SYCE1: variants seen among roughly 807,000 people sequenced by gnomAD.
SYCE1 encodes the protein synaptonemal complex central element protein 1.
Under a neutral mutation model 55.1 loss-of-function variants are expected in SYCE1, and 37 were observed. The observed-to-expected ratio is 0.67, with a 90% CI of 0.52 to 0.88. The LOEUF (loss-of-function observed/expected upper bound fraction) is 0.88. Among genes scored for constraint, SYCE1 ranks in the 40% least tolerant of loss-of-function variants. The pLI is 0.00. For synonymous variants in SYCE1, 163 were observed against 159.4 expected (o/e 1.02, Z -0.17); for missense variants, 399 against 416.4 (o/e 0.96, Z 0.36).
rs1414046160 is a variant in SYCE1, at chr10:133,555,682, T to C, written c.745A>G (p.Lys249Glu). 1 of 1,604,988 alleles carries C rather than the reference T, an allele frequency of 6.2e-7. No homozygotes were observed. The highest frequency in any genetic ancestry group is 1.7e-5 in the Admixed American group (1 of 60,022). ...TVQLFQEEHR[K>E]AEELLAAAAQ... ...GCAGCTGCTAGGAGCTCCTCAGCCT[T>C]CCTGTGCTCTTCCTGAAACAGCTGC... Residue 249 changes from lysine to glutamate, a missense_variant, in exon 11 of 13, where the codon AAG becomes GAG. Transcript: ENST00000343131.
upstream of SYCE1, among the ~76,000 whole-genome samples, chr10:133,566,778 G>C (rs1386547534): frequency 6.6e-6 from 1 of 151,226 alleles, no homozygotes; most frequent in Non-Finnish European, 1.5e-5. Flanking sequence ...TTAGGGTAAG[G>C]GGTTAGAGTT....
At chr10:133,558,616 G>A in intron 4 of SYCE1, 1 of 543,602 alleles carries the variant, frequency 1.8e-6, no homozygotes, top group Non-Finnish European at 3.3e-6. Context: ...ACTTAGAGCT[G>A]ATGATGTGAG....
Position 133,565,539 on chromosome 10 carries a change from G to A in SYCE1, c.-10C>T, listed in dbSNP as rs908746635. On this transcript the variant is annotated 5_prime_UTR_variant, in exon 1 of 13. Coordinates refer to ENST00000343131, the MANE Select transcript of SYCE1 (RefSeq NM_001143764.3). ...GGGACCTCCCCGCCATTTCCTCTCA[G>A]CTCGCCAGCGAGGGTGCCTCGGGAG... is the stretch of plus-strand genomic sequence containing the variant. 1.9e-6 allele frequency: 3 copies of A among 1,549,022 alleles called. No individual in the cohort carries two copies. Among genetic ancestry groups the A allele is most frequent in the African/African-American group, 1.4e-5 (1 of 73,034 alleles).
At chr10:133,563,279 T>C (rs11101835) in intron 1 of SYCE1, among the ~76,000 whole-genome samples, 14,929 of 152,254 alleles carry the variant, frequency 0.098, 906 homozygotes, top group East Asian at 0.25. Context: ...CACTGTATTG[T>C]TTATAATAGT....
intron 1 of SYCE1, 94 bp from the exon 2 acceptor site, chr10:133,560,247 A>G: frequency 1.9e-6 from 2 of 1,038,244 alleles, no homozygotes; most frequent in East Asian, 2.4e-5. Flanking sequence ...GTCTCCAGCC[A>G]GAGTGGTGCC....
chr10:133,554,866 A>G lies in SYCE1; in HGVS notation c.*126T>C. On this transcript the variant is annotated 3_prime_UTR_variant, in exon 13 of 13. Transcript: ENST00000343131. Reference sequence around the variant, plus strand: ...AGACCAGGAGGTTAAGGAAGCATTTATTGAAAACCTGTGATGTACCTCTGG... The same window carrying G: ...AGACCAGGAGGTTAAGGAAGCATTTGTTGAAAACCTGTGATGTACCTCTGG... 6.9e-7 allele frequency: 1 copy of G among 1,452,952 alleles called. No homozygotes were observed. The highest frequency in any genetic ancestry group is 2.8e-5 in the Admixed American group (1 of 35,528). 90.0% of individuals were successfully genotyped at this position (1,452,952 alleles called of 1,614,324 possible).
In SYCE1 at chr10:133,555,142, A is replaced by G; in HGVS notation, c.919-13T>C. The G allele has an allele frequency of 1.3e-6, 2 of 1,543,778 alleles. No individual in the cohort carries two copies. Among genetic ancestry groups the G allele is most frequent in the South Asian group, 1.2e-5 (1 of 82,728 alleles). ...GCTTGGGACTGGCCTGCAGGAGGTT[A>G]GTGTCCAGGGTGGGAATTTACACCC... On this transcript the variant is annotated splice_polypyrimidine_tract_variant and intron_variant, in intron 12 of 12. Transcript: ENST00000343131.
chr10:133,558,787 C>T (rs1851750094), intron 4 of SYCE1, 90 bp downstream of exon 4: 7 of 1,324,164 alleles, frequency 5.3e-6, no homozygotes, highest in Non-Finnish European at 7.5e-6. Context: ...GGACCCTTGG[C>T]CATGGCAAGG....
At chr10:133,558,251 T>C in intron 4 of SYCE1, 37 bp from the exon 5 acceptor site, 4 of 1,609,972 alleles carry the variant, frequency 2.5e-6, no homozygotes, top group Non-Finnish European at 3.4e-6. Flanking sequence ...TCAGGGACTA[T>C]GCACTGCACC....
upstream of SYCE1, among the ~76,000 whole-genome samples, chr10:133,566,039 TC>T (rs889911958): frequency 2.0e-5 from 3 of 152,196 alleles, no homozygotes; most frequent in East Asian, 3.9e-4. Flanking sequence ...GGCCCGCTGT[TC>T]CTGCGCGCGC....
At chr10:133,558,978 T>G (rs750200786) in intron 3 of SYCE1, 27 bp from the exon 4 acceptor site, 2 of 1,599,582 alleles carry the variant, frequency 1.3e-6, no homozygotes, top group East Asian at 4.5e-5. Context: ...AAAAACATTG[T>G]GTGAGTGCAG....
intron 2 of SYCE1, 68 bp from the exon 3 acceptor site, chr10:133,559,428 TCTG>T: frequency 6.8e-7 from 1 of 1,478,760 alleles, no homozygotes; most frequent in Non-Finnish European, 9.5e-7. Context: ...GCCTTGTGTC[TCTG>T]CTGCTTTCAC....
chr10:133,556,679 T>C (rs1040492227), intron 8 of SYCE1, 80 bp downstream of exon 8: 1 of 1,419,522 alleles, frequency 7.0e-7, no homozygotes, highest in Non-Finnish European at 9.7e-7. Flanking sequence ...TTGTGGCAGG[T>C]GAGAGGAAGA....
intron 6 of SYCE1, 129 bp downstream of exon 6, chr10:133,557,735 T>G: frequency 9.5e-7 from 1 of 1,054,800 alleles, no homozygotes; most frequent in Non-Finnish European, 1.4e-6. Flanking sequence ...GGGAAAGACA[T>G]TCTTTGGACT....
chr10:133,564,161 T>C (rs1220308907), intron 1 of SYCE1, among the ~76,000 whole-genome samples: 1 of 152,038 alleles, frequency 6.6e-6, no homozygotes, highest in African/African-American at 2.4e-5. Context: ...GATTAGGTCA[T>C]GAGAGTAGGG....
rs543699520 is a variant in SYCE1, at chr10:133,555,459, T to G, written c.831-21A>C. The G allele has an allele frequency of 5.6e-6, 9 of 1,613,286 alleles. No individual in the cohort carries two copies. The East Asian group carries it at 2.0e-4, about 36-fold the overall frequency. On this transcript the variant is annotated intron_variant, in intron 11 of 12. Transcript: ENST00000343131. ...TCAGCCTGGACAGGAAGAGGTAGGA[T>G]GGGGGAAGGAAGAGGAGGAAAGGGT...
chr10:133,568,035 G>C, upstream of SYCE1: 1 of 618,504 alleles, frequency 1.6e-6, no homozygotes, highest in Non-Finnish European at 3.0e-6. Context: ...CCAGGCCGGA[G>C]GATCCTGGGG....
downstream of SYCE1, chr10:133,554,302 T>C: frequency 1.2e-6 from 2 of 1,614,110 alleles, no homozygotes; most frequent in Non-Finnish European, 8.5e-7. Context: ...AACTCCACCA[T>C]GTCACTGGTC....
chr10:133,558,627 G>T (rs1851745988), intron 4 of SYCE1: 1 of 548,464 alleles, frequency 1.8e-6, no homozygotes, highest in African/African-American at 1.9e-5. Flanking sequence ...ATGATGTGAG[G>T]AAAGAGGAAC....
Sources: gnomAD v4.1 joint callset for allele counts (sites outside exome capture counted in the v4.1 genomes callset) on GRCh38, gnomAD v4.1.1 for gene constraint, MANE v1.5 for transcripts, NCBI Gene and HGNC (gene_info 2026-07-23, HGNC 2026-07-21) for gene names.